ABCA9: variants seen among roughly 807,000 people sequenced by gnomAD.
ABCA9 encodes the protein ATP binding cassette subfamily A member 9, also known as ATP-binding cassette sub-family A member 9.
A neutral mutation model predicts 205.3 loss-of-function variants in ABCA9; 183 were observed. That is an observed-to-expected ratio of 0.89 (90% CI 0.79 to 1.01). The LOEUF (loss-of-function observed/expected upper bound fraction) is 1.01. ABCA9 is among the 50% of genes least tolerant of loss of function. The probability of loss-of-function intolerance (pLI) is 0.00; values close to 1 mark genes in which losing one functional copy is unlikely to be tolerated. For synonymous variants in ABCA9, 651 were observed against 683.3 expected (o/e 0.95, Z 0.74); for missense variants, 1,805 against 1,912.4 (o/e 0.94, Z 1.05).
At position 69,044,684 on chromosome 17, in the gene ABCA9, G is replaced by T. The variant is rs1308880453; in HGVS notation, c.470-84C>A. On this transcript the variant is annotated intron_variant, in intron 4 of 38. Coordinates refer to ENST00000340001, the MANE Select transcript of ABCA9 (RefSeq NM_080283.4). ...AACAAAATTTCAAATGTTTCAAAAT[G>T]CAAAGTCCATGATAATATAGTGGAT... is the stretch of plus-strand genomic sequence containing the variant. 2.1e-5 allele frequency: 27 copies of T among 1,258,094 alleles called. No homozygotes were observed. The South Asian group carries it at 3.5e-4, about 16-fold the overall frequency. 77.9% of individuals were successfully genotyped at this position (1,258,094 alleles called of 1,614,324 possible). A position where few individuals can be genotyped will look rare whatever the true frequency, so the allele number is the denominator to read the frequency against.
the ABCA9 span, among the ~76,000 whole-genome samples, chr17:69,066,286 A>C: frequency 6.6e-6 from 1 of 152,240 alleles, no homozygotes; most frequent in African/African-American, 2.4e-5. Context: ...TGTACCTCAC[A>C]GAGCCTGGAA....
At chr17:69,029,490 A>ATTGT (rs1311074232) in intron 10 of ABCA9, among the ~76,000 whole-genome samples, 1 of 152,204 alleles carries the variant, frequency 6.6e-6, no homozygotes, top group African/African-American at 2.4e-5. Context: ...ACGGAAATAT[A>ATTGT]TTGTTAGAAG....
At chr17:69,004,261 G>C (rs1227312975) in intron 25 of ABCA9, among the ~76,000 whole-genome samples, 1 of 152,114 alleles carries the variant, frequency 6.6e-6, no homozygotes, top group Non-Finnish European at 1.5e-5. Context: ...ATCTACTTTT[G>C]GTCTTTGATG....
At chr17:68,985,014 C>T (rs376636691) in intron 33 of ABCA9, 35 bp from the exon 34 acceptor site, 34 of 1,614,090 alleles carry the variant, frequency 2.1e-5, no homozygotes, top group Non-Finnish European at 2.6e-5. Context: ...TGGTTCCCAT[C>T]TACGGCACTT....
chr17:69,025,752 A>G (rs2070958686), intron 16 of ABCA9, among the ~76,000 whole-genome samples: 1 of 152,206 alleles, frequency 6.6e-6, no homozygotes, highest in Non-Finnish European at 1.5e-5. Flanking sequence ...ATTTTGAAAC[A>G]AAGACTATCA....
chr17:69,047,726 C>A (rs1402597113), intron 3 of ABCA9, among the ~76,000 whole-genome samples: 2 of 152,186 alleles, frequency 1.3e-5, no homozygotes, highest in African/African-American at 4.8e-5. Flanking sequence ...GCAAAGGTCA[C>A]AAGACATGCC....
At position 68,975,945 on chromosome 17, in the gene ABCA9, C is replaced by T; in HGVS notation, c.4845G>A (p.Lys1615=). ...GCTCTTCCTGCAGGAGGAGTTTCCA[C>T]TTCACCGAGGGATCAAAGTCCTCTT... ...DLEEDFDPSV[K]WKLLLQEEP Residue 1615 remains lysine (K), a synonymous_variant, in exon 39 of 39, where the codon AAG becomes AAA. Coordinates refer to ENST00000340001, the MANE Select transcript of ABCA9 (RefSeq NM_080283.4). The T allele has an allele frequency of 1.2e-6, 2 of 1,613,464 alleles. No individual in the cohort carries two copies. The highest frequency in any genetic ancestry group is 8.5e-7 in the Non-Finnish European group (1 of 1,179,742).
chr17:68,983,689 A>G lies in ABCA9; in HGVS notation c.4640+20T>C. 1 of 1,612,212 alleles carries G rather than the reference A, an allele frequency of 6.2e-7. No homozygotes were observed. The highest frequency in any genetic ancestry group is 8.5e-7 in the Non-Finnish European group (1 of 1,179,498). ...AAACAAAAACCAAGGACTGTGATAA[A>G]ACAAAACACCTGTGTCTACCTTTCC... On this transcript the variant is annotated intron_variant, in intron 36 of 38. Transcript: ENST00000340001.
the ABCA9 span, among the ~76,000 whole-genome samples, chr17:69,073,169 T>C: frequency 2.0e-5 from 3 of 152,154 alleles, no homozygotes; most frequent in African/African-American, 7.2e-5. Context: ...TAACACTGCA[T>C]TGTCAATATT....
intron 26 of ABCA9, among the ~76,000 whole-genome samples, chr17:68,993,928 T>A (rs1436415781): frequency 6.6e-6 from 1 of 152,138 alleles, no homozygotes; most frequent in Non-Finnish European, 1.5e-5. Flanking sequence ...CAGGCTGGAG[T>A]GCAGTGGCAT....
intron 10 of ABCA9, 65 bp from the exon 11 acceptor site, chr17:69,029,292 T>G: frequency 1.0e-6 from 1 of 989,410 alleles, no homozygotes; most frequent in East Asian, 2.6e-5. Context: ...ATAAGTCAAG[T>G]CTTTGAGGCT....
In ABCA9 at chr17:69,035,399, T is replaced by C. The variant is rs773684250; in HGVS notation, c.975A>G (p.Ile325Met). Residue 325 changes from isoleucine (I) to methionine (M), a missense_variant, in exon 8 of 39, where the codon ATA (isoleucine) becomes ATG (methionine). By Grantham distance (10) the Ile-to-Met change is conservative (BLOSUM62 1). Transcript: ENST00000340001. Reference protein sequence around the residue: ...ITLAFLMSVLIKKPFLTGLVV... With the variant: ...ITLAFLMSVLMKKPFLTGLVV... ...CCAAGCCCGTAAGGAAAGGTTTCTTTATCAACACACTCATCAGGAAAGCTA... is the reference window on the plus strand; with the variant it reads ...CCAAGCCCGTAAGGAAAGGTTTCTTCATCAACACACTCATCAGGAAAGCTA... 1.9e-6 allele frequency: 3 copies of C among 1,603,058 alleles called. No individual in the cohort carries two copies. The highest frequency in any genetic ancestry group is 2.3e-5 in the East Asian group (1 of 44,366).
At chr17:69,019,275 T>A (rs2070738152) in intron 19 of ABCA9, among the ~76,000 whole-genome samples, 1 of 152,174 alleles carries the variant, frequency 6.6e-6, no homozygotes, top group Non-Finnish European at 1.5e-5. Context: ...TGACATTATG[T>A]CAATTACCTA....
intron 23 of ABCA9, among the ~76,000 whole-genome samples, chr17:69,008,994 A>G (rs1045280503): frequency 2.6e-5 from 4 of 152,362 alleles, no homozygotes; most frequent in African/African-American, 9.6e-5. Flanking sequence ...TCTGGAAAGG[A>G]GAGTACATCT....
chr17:69,059,395 G>C (rs755276648), intron 1 of ABCA9, among the ~76,000 whole-genome samples: 2 of 152,046 alleles, frequency 1.3e-5, no homozygotes, highest in Admixed American at 1.3e-4. Flanking sequence ...GTAAAACAGG[G>C]AGGCAGACAA....
At chr17:69,057,577 A>T (rs2072106726) in intron 1 of ABCA9, among the ~76,000 whole-genome samples, 1 of 152,244 alleles carries the variant, frequency 6.6e-6, no homozygotes, top group African/African-American at 2.4e-5. Flanking sequence ...CAAACAAAGA[A>T]TTCAGGATAT....
the ABCA9 span, among the ~76,000 whole-genome samples, chr17:69,072,750 A>G: frequency 6.6e-6 from 1 of 152,358 alleles, no homozygotes; most frequent in East Asian, 1.9e-4. Flanking sequence ...ACATAACAAT[A>G]TTAACCTTAA....
intron 25 of ABCA9, 99 bp downstream of exon 25, chr17:69,007,660 A>G (rs1428417209): frequency 1.4e-6 from 1 of 733,528 alleles, no homozygotes; most frequent in East Asian, 2.6e-5. Context: ...AATTTTCTAG[A>G]GAGCAATAAT....
intron 23 of ABCA9, among the ~76,000 whole-genome samples, chr17:69,011,403 C>A (rs897429871): frequency 2.6e-5 from 4 of 152,214 alleles, no homozygotes; most frequent in Admixed American, 2.6e-4. Context: ...AAGATAGGGA[C>A]AGTTTAAGAG....
Sources: allele counts gnomAD v4.1 joint callset (sites outside exome capture counted in the v4.1 genomes callset), GRCh38; gene constraint gnomAD v4.1.1; transcripts MANE v1.5; gene names NCBI Gene and HGNC (gene_info 2026-07-23, HGNC 2026-07-21).